Variants in TSC22D1 observed in about 807,000 individuals in gnomAD.
TSC22D1 encodes TSC22 domain family protein 1.
TSC22D1 carries 9 observed loss-of-function variants against 74.2 expected under a neutral mutation model. The observed-to-expected ratio is 0.12, with a 90% CI of 0.07 to 0.21. The LOEUF (loss-of-function observed/expected upper bound fraction) is 0.21, where lower values mean the gene tolerates loss of function less well. Among genes scored for constraint, TSC22D1 ranks in the 10% least tolerant of loss-of-function variants. The probability of loss-of-function intolerance (pLI) is 1.00; values close to 1 mark genes in which losing one functional copy is unlikely to be tolerated. For missense variants in TSC22D1, 1,427 were observed against 1,304.7 expected (o/e 1.09, Z -1.44); for synonymous variants, 586 against 492.5 (o/e 1.19, Z -2.51).
intron 1 of TSC22D1, among the ~76,000 whole-genome samples, chr13:44,448,109 C>A (rs1057501422): frequency 4.6e-5 from 7 of 152,002 alleles, no homozygotes; most frequent in Admixed American, 2.6e-4. Flanking sequence ...AAATGATATT[C>A]TATATAAAAC....
intron 1 of TSC22D1, among the ~76,000 whole-genome samples, chr13:44,515,963 T>C (rs1266101793): frequency 6.6e-6 from 1 of 152,022 alleles, no homozygotes; most frequent in Non-Finnish European, 1.5e-5. Flanking sequence ...GAGGGAGAAA[T>C]AAGGATATTA....
intron 1 of TSC22D1, among the ~76,000 whole-genome samples, chr13:44,515,885 AT>A (rs1879956813): frequency 6.6e-6 from 1 of 152,246 alleles, no homozygotes; most frequent in Non-Finnish European, 1.5e-5. Context: ...AATATGTACC[AT>A]TTTACACCTA....
intron 1 of TSC22D1, among the ~76,000 whole-genome samples, chr13:44,523,704 G>A (rs958445256): frequency 2.0e-5 from 3 of 152,126 alleles, no homozygotes; most frequent in Non-Finnish European, 2.9e-5. Context: ...TATCAGAAGC[G>A]ACAACCAGAA....
At chr13:44,452,566 G>A (rs184024926) in intron 1 of TSC22D1, 35 of 152,456 alleles carry the variant, frequency 2.3e-4, no homozygotes, top group Admixed American at 2.1e-3. Flanking sequence ...GGCTACTCAT[G>A]GGGAAGGGTG....
intron 1 of TSC22D1, among the ~76,000 whole-genome samples, chr13:44,450,033 A>T (rs1180386395): frequency 6.6e-6 from 1 of 152,212 alleles, no homozygotes; most frequent in Non-Finnish European, 1.5e-5. Flanking sequence ...GATATTTTGT[A>T]TAATTTGAGT....
At position 44,575,532 on chromosome 13, in the gene TSC22D1, C is replaced by G. The variant is rs753262039; in HGVS notation, c.543G>C (p.Gln181His). 6.2e-7 allele frequency: 1 copy of G among 1,613,948 alleles called. No homozygotes were observed. Among genetic ancestry groups the G allele is most frequent in the Non-Finnish European group, 8.5e-7 (1 of 1,180,012 alleles). The change falls in exon 1 of 3, where the codon CAG (glutamine) becomes CAC (histidine). Residue 181 changes from glutamine to histidine, a missense_variant. Coordinates refer to ENST00000458659, the MANE Select transcript of TSC22D1 (RefSeq NM_183422.4). ...AGACTGCCCCAGGTGTCTCGGCTTC[C>G]TGGAAGTTATTTAGGGTCTCTTCTG... ...SSSEETLNNFQEAETPGAVSP... is the reference protein window; with the variant it reads ...SSSEETLNNFHEAETPGAVSP...
chr13:44,514,665 G>A (rs913310228), intron 1 of TSC22D1, among the ~76,000 whole-genome samples: 16 of 152,106 alleles, frequency 1.1e-4, no homozygotes, highest in African/African-American at 2.4e-4. Context: ...TTCAAGACTC[G>A]CCTGGCCAAC....
chr13:44,543,846 C>CTT (rs1483715411), intron 1 of TSC22D1, among the ~76,000 whole-genome samples: 4 of 152,206 alleles, frequency 2.6e-5, no homozygotes, highest in Non-Finnish European at 5.9e-5. Flanking sequence ...AATCCCAGCA[C>CTT]TTTGTGAAGC....
intron 1 of TSC22D1, among the ~76,000 whole-genome samples, chr13:44,474,904 G>T (rs1386817967): frequency 2.6e-5 from 4 of 152,088 alleles, no homozygotes; most frequent in African/African-American, 9.7e-5. Context: ...AGTACAATAA[G>T]GCCTCATTGT....
chr13:44,493,441 T>C (rs924517244), intron 1 of TSC22D1, among the ~76,000 whole-genome samples: 1 of 152,228 alleles, frequency 6.6e-6, no homozygotes, highest in Non-Finnish European at 1.5e-5. Context: ...GGGCATTCTT[T>C]GAAAACATTG....
chr13:44,536,763 G>A (rs1252221573), intron 1 of TSC22D1: 9 of 984,022 alleles, frequency 9.1e-6, no homozygotes, highest in Non-Finnish European at 9.6e-6. Flanking sequence ...GCAAAATTGA[G>A]GTACAAAAAT....
intron 1 of TSC22D1, among the ~76,000 whole-genome samples, chr13:44,540,975 G>T (rs1003615596): frequency 6.6e-6 from 1 of 152,172 alleles, no homozygotes; most frequent in East Asian, 1.9e-4. Context: ...GTTCTACGGA[G>T]TACAGTCAGT....
At chr13:44,495,575 G>T (rs914592162) in intron 1 of TSC22D1, among the ~76,000 whole-genome samples, 1 of 151,938 alleles carries the variant, frequency 6.6e-6, no homozygotes, top group African/African-American at 2.4e-5. Flanking sequence ...TGAACTAAAA[G>T]ACATCTACAT....
In TSC22D1 at chr13:44,574,573, T is replaced by C. The variant is rs750984217; in HGVS notation, c.1502A>G (p.Gln501Arg). 6 of 1,612,508 alleles carry C rather than the reference T, an allele frequency of 3.7e-6. No individual in the cohort carries two copies. Among genetic ancestry groups the C allele is most frequent in the Non-Finnish European group, 8.5e-7 (1 of 1,179,368 alleles). ...APTVVVQQQQ[Q>R]QQQQQQQQPA... The stretch of plus-strand genomic sequence containing the variant: ...TTGTTGCTGTTGTTGTTGTTGTTGC[T>C]GCTGCTGCTGCTGCACCACCACAGT... Residue 501 changes from glutamine to arginine, a missense_variant, in exon 1 of 3, where the codon CAG becomes CGG. Gln to Arg is a conservative substitution (Grantham distance 43). Transcript: ENST00000458659.
intron 2 of TSC22D1, 143 bp downstream of exon 2, chr13:44,435,901 C>T: frequency 1.1e-6 from 1 of 910,782 alleles, no homozygotes; most frequent in Non-Finnish European, 1.8e-6. Context: ...TCCACGCTGG[C>T]CGAATGGAGA....
chr13:44,534,990 C>T (rs1259524030), intron 1 of TSC22D1, among the ~76,000 whole-genome samples: 2 of 152,052 alleles, frequency 1.3e-5, no homozygotes, highest in African/African-American at 2.4e-5. Flanking sequence ...GTAGGAAATG[C>T]CTTGGAATAT....
chr13:44,523,110 C>T (rs1329467157), intron 1 of TSC22D1, among the ~76,000 whole-genome samples: 1 of 151,580 alleles, frequency 6.6e-6, no homozygotes, highest in African/African-American at 2.4e-5. Flanking sequence ...ATGGATACTA[C>T]CACACCCCTA....
Position 44,466,811 on chromosome 13 carries a change from C to T in TSC22D1, c.2913-30716G>A, listed in dbSNP as rs1877316194. On this transcript the variant is annotated intron_variant, in intron 1 of 2. Transcript: ENST00000458659. ...GAAAACAATATATAGATTCCTGAGC[C>T]CAATGTCAAACCTTATGAATTAGAA... 2.6e-5 allele frequency among the ~76,000 whole-genome samples: 4 copies of T among 151,518 alleles called. No homozygotes were observed. In the South Asian group the frequency reaches 8.3e-4, roughly 32 times the overall value.
intron 1 of TSC22D1, among the ~76,000 whole-genome samples, chr13:44,545,605 T>C (rs1881772362): frequency 2.0e-5 from 3 of 147,794 alleles, no homozygotes; most frequent in Admixed American, 2.0e-4. Flanking sequence ...AAAAGGATAA[T>C]CTTCCTACTG....
Sources: allele counts gnomAD v4.1 joint callset (sites outside exome capture counted in the v4.1 genomes callset), GRCh38; gene constraint gnomAD v4.1.1; transcripts MANE v1.5; gene names NCBI Gene and HGNC (gene_info 2026-07-23, HGNC 2026-07-21).